MAPK10: variants seen among roughly 807,000 people sequenced by gnomAD.
The protein encoded by MAPK10 is JNK3 alpha protein kinase.
A neutral mutation model predicts 59.3 loss-of-function variants in MAPK10; 25 were observed. The observed-to-expected ratio is 0.42, with a 90% CI of 0.31 to 0.59. The LOEUF (loss-of-function observed/expected upper bound fraction) is 0.59. MAPK10 is among the 20% of genes least tolerant of loss of function. The pLI is 0.15. For missense variants in MAPK10, 351 were observed against 568.9 expected (o/e 0.62, Z 3.90); for synonymous variants, 190 against 200.5 (o/e 0.95, Z 0.44).
intron 2 of MAPK10, among the ~76,000 whole-genome samples, chr4:86,264,577 G>A (rs112830573): frequency 2.1e-3 from 325 of 152,264 alleles, no homozygotes; most frequent in Non-Finnish European, 2.7e-3. Context: ...GAAGTCTGAA[G>A]CTCCTTTGAT....
intron 2 of MAPK10, among the ~76,000 whole-genome samples, chr4:86,290,318 C>T (rs4693761): frequency 0.91 from 138,397 of 152,294 alleles, 63,117 homozygotes; most frequent in East Asian, 1. Context: ...AATTTGAGAA[C>T]TGAGATCTGA....
chr4:86,119,250 G>C (rs1209252940), intron 4 of MAPK10, among the ~76,000 whole-genome samples: 1 of 152,104 alleles, frequency 6.6e-6, no homozygotes, highest in Admixed American at 6.5e-5. Flanking sequence ...ATTTTTGAGG[G>C]CCCTACGCAC....
rs1294715628 is a variant in MAPK10 at position 86,011,350 on chromosome 4, TTACAAA to T, written c.*5872_*5877del. On this transcript the variant is annotated 3_prime_UTR_variant, in exon 14 of 14. Coordinates refer to ENST00000641462, the MANE Select transcript of MAPK10 (RefSeq NM_138982.4). ...TCAACATCTGTGGAGAAAAGACATGTTACAAATACAAAACACCACCATGATGAATTG... is the reference window on the plus strand; with the variant it reads ...TCAACATCTGTGGAGAAAAGACATGTTACAAAACACCACCATGATGAATTG... 1 of 152,184 alleles carries T rather than the reference TTACAAA, an allele frequency of 6.6e-6. No individual in the cohort carries two copies. The highest frequency in any genetic ancestry group is 1.5e-5 in the Non-Finnish European group (1 of 68,036). The allele number at this position is 152,184 out of a possible 1,614,324, so 9.4% of individuals were successfully genotyped here.
At chr4:86,429,257 T>G (rs1747719241) in intron 1 of MAPK10, among the ~76,000 whole-genome samples, 1 of 152,184 alleles carries the variant, frequency 6.6e-6, no homozygotes, top group African/African-American at 2.4e-5. Context: ...CCTTAATCAT[T>G]TGGAATATGG....
At chr4:86,325,186 A>G (rs1219035739) in intron 2 of MAPK10, among the ~76,000 whole-genome samples, 2 of 152,216 alleles carry the variant, frequency 1.3e-5, no homozygotes, top group Non-Finnish European at 2.9e-5. Context: ...CCAATAATTA[A>G]GTAACCAGGA....
intron 1 of MAPK10, among the ~76,000 whole-genome samples, chr4:86,541,142 G>T (rs1168296811): frequency 6.6e-6 from 1 of 152,120 alleles, no homozygotes; most frequent in Non-Finnish European, 1.5e-5. Flanking sequence ...ATCTTGAAAG[G>T]GGCATGGGAG....
chr4:86,145,973 G>T (rs951109357), intron 4 of MAPK10, among the ~76,000 whole-genome samples: 1 of 152,166 alleles, frequency 6.6e-6, no homozygotes, highest in Non-Finnish European at 1.5e-5. Context: ...TCTAAGAACT[G>T]GGAAAATACA....
At chr4:86,559,764 C>T (rs1760530800) in intron 1 of MAPK10, among the ~76,000 whole-genome samples, 1 of 151,830 alleles carries the variant, frequency 6.6e-6, no homozygotes, top group Non-Finnish European at 1.5e-5. Context: ...CATGGTGAAA[C>T]CCCGTCTCTA....
chr4:86,473,985 A>G (rs1021345475), intron 1 of MAPK10, among the ~76,000 whole-genome samples: 25 of 152,112 alleles, frequency 1.6e-4, no homozygotes, highest in Non-Finnish European at 3.1e-4. Flanking sequence ...CTTTGTCTCT[A>G]CCAAAAAAAA....
intron 2 of MAPK10, among the ~76,000 whole-genome samples, chr4:86,335,318 C>T (rs1424394559): frequency 6.6e-6 from 1 of 152,100 alleles, no homozygotes; most frequent in Non-Finnish European, 1.5e-5. Context: ...AAGCTAAAGG[C>T]AAATGCCATT....
At chr4:86,432,662 G>C (rs1244633793) in intron 1 of MAPK10, among the ~76,000 whole-genome samples, 3 of 152,182 alleles carry the variant, frequency 2.0e-5, no homozygotes, top group Non-Finnish European at 4.4e-5. Context: ...AACTTCATTA[G>C]GGAGTGGCCT....
intron 2 of MAPK10, among the ~76,000 whole-genome samples, chr4:86,302,518 G>A (rs187251845): frequency 6.6e-6 from 1 of 152,326 alleles, no homozygotes; most frequent in African/African-American, 2.4e-5. Flanking sequence ...CATGGAAACA[G>A]CAGTGAACTG....
intron 1 of MAPK10, among the ~76,000 whole-genome samples, chr4:86,591,900 T>C (rs72665770): frequency 0.036 from 5,426 of 152,236 alleles, 153 homozygotes; most frequent in Non-Finnish European, 0.061. Context: ...TTGACTTCAA[T>C]AGGAATAATT....
At chr4:86,541,947 GCACACACACACACACACACACA>G (rs10555824) in intron 1 of MAPK10, among the ~76,000 whole-genome samples, 4 of 140,376 alleles carry the variant, frequency 2.8e-5, no homozygotes, top group African/African-American at 1.1e-4. Context: ...GAATACACCG[GCACACACACACACACACACACA>G]CACACACACA....
At chr4:86,459,007 TACATCTG>T (rs1267515626) in intron 1 of MAPK10, among the ~76,000 whole-genome samples, 1 of 151,904 alleles carries the variant, frequency 6.6e-6, no homozygotes, top group African/African-American at 2.4e-5. Flanking sequence ...TCACAATCTA[TACATCTG>T]ACAAAGGACT....
chr4:86,403,929 G>A (rs1203224959), intron 1 of MAPK10, among the ~76,000 whole-genome samples: 1 of 151,974 alleles, frequency 6.6e-6, no homozygotes, highest in Non-Finnish European at 1.5e-5. Context: ...TTAATATGAA[G>A]CCTGAGTAAT....
intron 2 of MAPK10, among the ~76,000 whole-genome samples, chr4:86,266,563 C>T (rs2094245227): frequency 6.6e-6 from 1 of 152,144 alleles, no homozygotes; most frequent in Non-Finnish European, 1.5e-5. Context: ...CACTACAAGT[C>T]AATTAGAGTA....
chr4:86,074,715 A>T (rs1296184485), intron 9 of MAPK10, among the ~76,000 whole-genome samples: 1 of 143,530 alleles, frequency 7.0e-6, no homozygotes, highest in Non-Finnish European at 1.5e-5. Flanking sequence ...AATGTTGAAT[A>T]TTAGCCCCCA....
chr4:86,158,340 G>A (rs2068471969), intron 4 of MAPK10, among the ~76,000 whole-genome samples: 1 of 151,832 alleles, frequency 6.6e-6, no homozygotes. Flanking sequence ...ATGAAATCTT[G>A]TAGGACTTCT....
Sources: gnomAD v4.1 joint callset for allele counts (sites outside exome capture counted in the v4.1 genomes callset) on GRCh38, gnomAD v4.1.1 for gene constraint, MANE v1.5 for transcripts, NCBI Gene and HGNC (gene_info 2026-07-23, HGNC 2026-07-21) for gene names.